MARK2: variants seen among roughly 807,000 people sequenced by gnomAD.
MARK2 encodes the protein microtubule affinity regulating kinase 2, also known as serine/threonine-protein kinase MARK2.
In MARK2, 16 loss-of-function variants were observed where a neutral mutation model predicts 89.8. The ratio of observed to expected loss-of-function variants is 0.18; its 90% CI spans 0.12 to 0.27. The LOEUF (loss-of-function observed/expected upper bound fraction) is 0.27, where lower values mean the gene tolerates loss of function less well. Ranked by LOEUF, MARK2 falls within the 10% of genes least tolerant of loss-of-function variation. The pLI is 1.00. For missense variants in MARK2, 621 were observed against 1,049.9 expected (o/e 0.59, Z 5.65); for synonymous variants, 382 against 399.5 (o/e 0.96, Z 0.52).
chr11:63,865,093 G>T (rs1020519328), intron 1 of MARK2, among the ~76,000 whole-genome samples: 1 of 151,696 alleles, frequency 6.6e-6, no homozygotes, highest in Non-Finnish European at 1.5e-5. Context: ...GTTTCGTCAT[G>T]TTGCCCAGGC....
chr11:63,898,137 G>T lies in MARK2; in HGVS notation c.289-95G>T, dbSNP rs79472157. On this transcript the variant is annotated intron_variant, in intron 3 of 18. Transcript: ENST00000402010. Reference sequence around the variant, plus strand: ...ATTTTCTTTTCCCTGCCCGGTTTTGGTTTTTTGGGAAAAACAAATCCTGGC... The same window carrying T: ...ATTTTCTTTTCCCTGCCCGGTTTTGTTTTTTTGGGAAAAACAAATCCTGGC... 19 of 1,117,482 alleles carry T rather than the reference G, an allele frequency of 1.7e-5. No homozygotes were observed. The East Asian group carries it at 4.3e-4, about 25-fold the overall frequency. The allele number at this position is 1,117,482 out of a possible 1,614,324, so 69.2% of individuals were successfully genotyped here.
In MARK2 at chr11:63,904,889, C is replaced by G; in HGVS notation, c.1780C>G (p.Arg594Gly). The change falls in exon 16 of 19, where the codon CGA becomes GGA. Residue 594 changes from arginine to glycine, a missense_variant. By Grantham distance (125) the Arg-to-Gly change is moderately radical (BLOSUM62 -2). Transcript: ENST00000402010. The surrounding 1 kb of genome is among the most constrained non-coding windows in gnomAD (Gnocchi z 6.3). ...RTNFPRGVSS[R>G]STFHAGQLRQ... is the part of the protein sequence containing the mutation. ...TAACTTCCCCCGGGGTGTGTCCAGC[C>G]GAAGCACCTTCCATGCTGGGCAGCT... The G allele has an allele frequency of 6.2e-7, 1 of 1,614,208 alleles. No individual in the cohort carries two copies. The highest frequency in any genetic ancestry group is 8.5e-7 in the Non-Finnish European group (1 of 1,180,040).
chr11:63,908,180 A>ACC (rs778218857), intron 17 of MARK2, 80 bp from the exon 18 acceptor site: 3 of 1,348,414 alleles, frequency 2.2e-6, no homozygotes, highest in Non-Finnish European at 3.1e-6. Flanking sequence ...ACCTCCCCAG[A>ACC]CCCACTCTCA....
At position 63,839,372 on chromosome 11, in the gene MARK2, C is replaced by A; in HGVS notation, c.-135C>A. On this transcript the variant is annotated 5_prime_UTR_variant, in exon 1 of 19. Transcript: ENST00000402010. ...CGGGCTGGCGTGAGCGGCTGCCCGG[C>A]CTCCCCGCACCCCCGGCCGGGGCCC... The A allele has an allele frequency of 1.8e-6, 1 of 567,750 alleles. No homozygotes were observed. Among genetic ancestry groups the A allele is most frequent in the Non-Finnish European group, 3.0e-6 (1 of 329,378 alleles). The allele number at this position is 567,750 out of a possible 1,614,324, so 35.2% of individuals were successfully genotyped here. A position where few individuals can be genotyped will look rare whatever the true frequency, so the allele number is the denominator to read the frequency against.
chr11:63,896,718 T>G (rs7108375), intron 3 of MARK2, among the ~76,000 whole-genome samples: 74,105 of 151,926 alleles, frequency 0.49, 20,141 homozygotes, highest in East Asian at 0.88. Flanking sequence ...TTCAGTTCAG[T>G]AGAAACATTG....
chr11:63,902,791 C>T lies in MARK2; in HGVS notation c.1416+9C>T. The T allele has an allele frequency of 6.2e-7, 1 of 1,603,562 alleles. No homozygotes were observed. The highest frequency in any genetic ancestry group is 8.5e-7 in the Non-Finnish European group (1 of 1,172,422). On this transcript the variant is annotated intron_variant, in intron 13 of 18. Coordinates refer to ENST00000402010, the MANE Select transcript of MARK2 (RefSeq NM_001039469.3). The surrounding 1 kb of genome is among the most constrained non-coding windows in gnomAD (Gnocchi z 4.2). ...CCCCAACCCCCTCCACGGTGAGCCGCACCCCCCGCTCTCTCCTTCCTTCCT... is the reference window on the plus strand; with the variant it reads ...CCCCAACCCCCTCCACGGTGAGCCGTACCCCCCGCTCTCTCCTTCCTTCCT...
At chr11:63,906,004 C>A in intron 16 of MARK2, 84 bp from the exon 17 acceptor site, 1 of 1,181,328 alleles carries the variant, frequency 8.5e-7, no homozygotes, top group South Asian at 2.8e-5. Context: ...AGCCACCTCC[C>A]CCACCTGCTT....
Position 63,904,037 on chromosome 11 carries a change from C to T in MARK2, c.1566C>T (p.Val522=), listed in dbSNP as rs1200112608. ...CCACGGCTTCTGCTTCTGCCGCAGT[C>T]TCTGCGGCCCGGCCCCGCCAGCACC... The part of the protein sequence containing the change: ...RASTASASAA[V]SAARPRQHQK... The change falls in exon 15 of 19, where the codon GTC becomes GTT. Residue 522 remains valine (V), a synonymous_variant. Transcript: ENST00000402010. This position sits in a 1 kb window ranked among gnomAD's most constrained non-coding sequence, Gnocchi z 6.3. The T allele has an allele frequency of 1.2e-6, 2 of 1,605,188 alleles. No homozygotes were observed. Among genetic ancestry groups the T allele is most frequent in the Non-Finnish European group, 1.7e-6 (2 of 1,178,658 alleles).
rs1017181382 is a variant in MARK2, at chr11:63,856,332, TTTTTTA to T, written c.54+16773_54+16778del. On this transcript the variant is annotated intron_variant, in intron 1 of 18. Coordinates refer to ENST00000402010, the MANE Select transcript of MARK2 (RefSeq NM_001039469.3). The stretch of plus-strand genomic sequence containing the variant: ...GGTTTTTTTTTTTTGTTTTTTTTTT[TTTTTTA>T]AATATATGGCTTGTTTATTCTTTTT... Among the ~76,000 whole-genome samples the T allele has an allele frequency of 4.4e-4, 65 of 149,280 alleles. 5 individuals carry two copies. The highest frequency in any genetic ancestry group is 3.5e-3 in the Middle Eastern group (1 of 286).
chr11:63,857,616 T>A (rs1268712221), intron 1 of MARK2, among the ~76,000 whole-genome samples: 1 of 152,250 alleles, frequency 6.6e-6, no homozygotes, highest in African/African-American at 2.4e-5. Flanking sequence ...TTACATGTAA[T>A]GAGTTTACTC....
chr11:63,901,994 A>C (rs1489131221), intron 11 of MARK2, among the ~76,000 whole-genome samples: 1 of 151,548 alleles, frequency 6.6e-6, no homozygotes, highest in Non-Finnish European at 1.5e-5. Flanking sequence ...CCTTTCTGAG[A>C]CTGTGTTTGT....
chr11:63,856,436 A>G (rs1234219582), intron 1 of MARK2, among the ~76,000 whole-genome samples: 1 of 111,142 alleles, frequency 9.0e-6, no homozygotes, highest in Admixed American at 8.9e-5. Flanking sequence ...TGGTTTATTT[A>G]TTTTGAAACA....
chr11:63,839,180 T>G lies in MARK2; in HGVS notation c.-327T>G, dbSNP rs2015875417. The G allele has an allele frequency of 4.8e-6, 1 of 208,016 alleles. No homozygotes were observed. The highest frequency in any genetic ancestry group is 1.8e-4 in the South Asian group (1 of 5,514). 12.9% of individuals were successfully genotyped at this position (208,016 alleles called of 1,614,324 possible). On this transcript the variant is annotated 5_prime_UTR_variant, in exon 1 of 19. Transcript: ENST00000402010. ...TGCCTGTGTGCCGGGCGCGGAGCAG[T>G]GCCGCTGAGGGCAGGGGAGGAGCGA...
chr11:63,888,562 C>G, intron 1 of MARK2: 1 of 1,073,732 alleles, frequency 9.3e-7, no homozygotes, highest in South Asian at 2.4e-5. Flanking sequence ...TGCCCTATTC[C>G]CCTCCTGCCC....
intron 1 of MARK2, among the ~76,000 whole-genome samples, chr11:63,891,891 C>T (rs1939884025): frequency 6.6e-6 from 1 of 152,190 alleles, no homozygotes; most frequent in African/African-American, 2.4e-5. Flanking sequence ...GGGTACCCTT[C>T]AGGAGGCTGG....
chr11:63,861,437 A>G (rs964775857), intron 1 of MARK2, among the ~76,000 whole-genome samples: 3 of 149,806 alleles, frequency 2.0e-5, no homozygotes, highest in Admixed American at 1.3e-4. Context: ...TCCGTCTCAG[A>G]AAAAAAAAAC....
chr11:63,908,793 G>A, intron 18 of MARK2, 84 bp from the exon 19 acceptor site: 1 of 1,364,696 alleles, frequency 7.3e-7, no homozygotes, highest in South Asian at 1.8e-5. Flanking sequence ...TCCTCTCTGG[G>A]CTCAGGGGCT....
intron 1 of MARK2, among the ~76,000 whole-genome samples, chr11:63,847,038 A>G (rs2016321904): frequency 6.6e-6 from 1 of 152,152 alleles, no homozygotes. Flanking sequence ...TGTGAGGATC[A>G]CTTGAGCCTG....
intron 1 of MARK2, among the ~76,000 whole-genome samples, chr11:63,854,964 G>A (rs2016768744): frequency 6.6e-6 from 1 of 152,124 alleles, no homozygotes; most frequent in African/African-American, 2.4e-5. Flanking sequence ...ACAACTGATG[G>A]ACAAACTAGA....
Sources: gnomAD v4.1 joint callset for allele counts (sites outside exome capture counted in the v4.1 genomes callset) on GRCh38, gnomAD v4.1.1 for gene constraint, Gnocchi (gnomAD v3.1) non-coding constraint, MANE v1.5 for transcripts, NCBI Gene and HGNC (gene_info 2026-07-23, HGNC 2026-07-21) for gene names.